HMX1: variants seen among roughly 807,000 people sequenced by gnomAD.
The protein encoded by HMX1 is homeobox protein HMX1.
A neutral mutation model predicts 8.9 loss-of-function variants in HMX1; 8 were observed. That is an observed-to-expected ratio of 0.90 (90% CI 0.53 to 1.63). The LOEUF (loss-of-function observed/expected upper bound fraction) is 1.63. Ranked by LOEUF, HMX1 falls within the 40% of genes most tolerant of loss-of-function variation. The pLI, the probability that HMX1 is intolerant of heterozygous loss-of-function variation, is 0.00. For missense variants in HMX1, 621 were observed against 558.5 expected (o/e 1.11, Z -1.13); for synonymous variants, 311 against 283.4 (o/e 1.10, Z -0.98).
chr4:8,856,523 T>G (rs534122927), intron 1 of HMX1, among the ~76,000 whole-genome samples: 21 of 152,292 alleles, frequency 1.4e-4, no homozygotes, highest in African/African-American at 5.1e-4. Context: ...TAGGTCTCTC[T>G]GAATTTAAAC....
chr4:8,863,153 G>C (rs1045820252), downstream of HMX1, among the ~76,000 whole-genome samples: 1 of 152,214 alleles, frequency 6.6e-6, no homozygotes, highest in Non-Finnish European at 1.5e-5. Flanking sequence ...TGCACAGGCG[G>C]GGAGGAACAG....
chr4:8,867,922 G>C lies in HMX1; in HGVS notation c.818C>G (p.Pro273Arg). ...GCGGACCAGGCGCTGCGCTCCCGGCGGGGACAGGCTGGCCGCCTCCAGCTC... is the reference window on the plus strand; with the variant it reads ...GCGGACCAGGCGCTGCGCTCCCGGCCGGGACAGGCTGGCCGCCTCCAGCTC... Reference protein sequence around the residue: ...AAELEAASLSPPGAQRLVRVP... With the variant: ...AAELEAASLSRPGAQRLVRVP... Residue 273 changes from proline to arginine, a missense_variant, in exon 2 of 2, where the codon CCG (proline) becomes CGG (arginine). Pro to Arg is a moderately radical substitution (Grantham distance 103). Coordinates refer to ENST00000400677, the MANE Select transcript of HMX1 (RefSeq NM_018942.3). The C allele has an allele frequency of 1.4e-6, 2 of 1,440,746 alleles. No individual in the cohort carries two copies. The highest frequency in any genetic ancestry group is 1.8e-6 in the Non-Finnish European group (2 of 1,094,654). The allele number at this position is 1,440,746 out of a possible 1,614,324, so 89.2% of individuals were successfully genotyped here. A position where few individuals can be genotyped will look rare whatever the true frequency, so the allele number is the denominator to read the frequency against.
At chr4:8,861,357 GCTTCC>G (rs1322952342) in intron 1 of HMX1, among the ~76,000 whole-genome samples, 11 of 152,198 alleles carry the variant, frequency 7.2e-5, no homozygotes. Flanking sequence ...CGGAGGCCGC[GCTTCC>G]CGCGGCCTGT....
At chr4:8,857,769 G>A (rs938794611) in intron 1 of HMX1, among the ~76,000 whole-genome samples, 4 of 152,294 alleles carry the variant, frequency 2.6e-5, no homozygotes, top group Non-Finnish European at 4.4e-5. Context: ...GGGGACTCGA[G>A]GTCCTTGAGG....
At chr4:8,858,270 G>A (rs1196330401) in intron 1 of HMX1, among the ~76,000 whole-genome samples, 1 of 152,150 alleles carries the variant, frequency 6.6e-6, no homozygotes, top group South Asian at 2.1e-4. Flanking sequence ...AAGGCGCAGC[G>A]GCGACCGCGG....
At position 8,867,238 on chromosome 4, in the gene HMX1, C is replaced by G. The variant is rs1377583667; in HGVS notation, c.*455G>C. ...GGGGTAGCACAGCCCTCCGGGCCGG[C>G]CTGCTGTCTGGGTCCCAGGAAAGGG... On this transcript the variant is annotated 3_prime_UTR_variant, in exon 2 of 2. Transcript: ENST00000400677. The G allele has an allele frequency of 1.0e-6, 1 of 985,896 alleles. No individual in the cohort carries two copies. Among genetic ancestry groups the G allele is most frequent in the Non-Finnish European group, 1.2e-6 (1 of 830,356 alleles). The allele number at this position is 985,896 out of a possible 1,614,324, so 61.1% of individuals were successfully genotyped here. A position where few individuals can be genotyped will look rare whatever the true frequency, so the allele number is the denominator to read the frequency against.
Position 8,867,939 on chromosome 4 carries a change from C to CTCCAGCTCGGCTGCCAGCTGCCGCT in HMX1, c.776_800dup (p.Ser270AlafsTer118). 2 of 1,480,266 alleles carry CTCCAGCTCGGCTGCCAGCTGCCGCT rather than the reference C, an allele frequency of 1.4e-6. No homozygotes were observed. The highest frequency in any genetic ancestry group is 9.0e-7 in the Non-Finnish European group (1 of 1,116,782). 91.7% of individuals were successfully genotyped at this position (1,480,266 alleles called of 1,614,324 possible). On this transcript the variant is annotated frameshift_variant, in exon 2 of 2. Transcript: ENST00000400677. LOFTEE classifies it low-confidence loss of function (END_TRUNC). ...CTCCCGGCGGGGACAGGCTGGCCGCCTCCAGCTCGGCTGCCAGCTGCCGCT... is the reference window on the plus strand; with the variant it reads ...CTCCCGGCGGGGACAGGCTGGCCGCCTCCAGCTCGGCTGCCAGCTGCCGCTTCCAGCTCGGCTGCCAGCTGCCGCT...
At chr4:8,863,646 C>T (rs1052138997), downstream of HMX1, among the ~76,000 whole-genome samples, 2 of 152,236 alleles carry the variant, frequency 1.3e-5, no homozygotes, top group African/African-American at 4.8e-5. Context: ...GGAATCCACA[C>T]CTCCAAGGGC....
intron 1 of HMX1, among the ~76,000 whole-genome samples, chr4:8,857,261 C>T (rs1158153357): frequency 6.6e-6 from 1 of 152,200 alleles, no homozygotes; most frequent in Non-Finnish European, 1.5e-5. Context: ...TCCCCACTTC[C>T]TCCCCTGCAG....
downstream of HMX1, among the ~76,000 whole-genome samples, chr4:8,866,768 G>C (rs929183862): frequency 6.6e-6 from 1 of 152,226 alleles, no homozygotes; most frequent in Non-Finnish European, 1.5e-5. Flanking sequence ...GCCTTCACCT[G>C]CTCCTGCCTT....
At chr4:8,857,871 G>T (rs1164967673) in intron 1 of HMX1, among the ~76,000 whole-genome samples, 17 of 152,130 alleles carry the variant, frequency 1.1e-4, no homozygotes, top group Non-Finnish European at 2.2e-4. Context: ...CACACGCGCC[G>T]TGCCGAGCCC....
downstream of HMX1, among the ~76,000 whole-genome samples, chr4:8,864,937 C>T (rs759405256): frequency 1.3e-5 from 2 of 152,232 alleles, no homozygotes; most frequent in Non-Finnish European, 2.9e-5. Flanking sequence ...TCCAAATCTA[C>T]CCTGCATTTG....
At position 8,870,382 on chromosome 4, in the gene HMX1, G is replaced by A. The variant is rs1217612586; in HGVS notation, c.394+839C>T. On this transcript the variant is annotated intron_variant, in intron 1 of 1. Coordinates refer to ENST00000400677, the MANE Select transcript of HMX1 (RefSeq NM_018942.3). The surrounding 1 kb of genome is among the most constrained non-coding windows in gnomAD (Gnocchi z 4.4). Reference sequence around the variant, plus strand: ...TAAGGGGTCAGATACCCAAGCAAGGGGGCAAAGGGGTTCTGGGGTTGAGAA... The same window carrying A: ...TAAGGGGTCAGATACCCAAGCAAGGAGGCAAAGGGGTTCTGGGGTTGAGAA... Among the ~76,000 whole-genome samples the A allele has an allele frequency of 6.6e-6, 1 of 152,092 alleles. No individual in the cohort carries two copies. The highest frequency in any genetic ancestry group is 6.5e-5 in the Admixed American group (1 of 15,280).
chr4:8,849,068 G>T lies in HMX1; in HGVS notation c.395-2744C>A, dbSNP rs1203455448. On this transcript the variant is annotated intron_variant, in intron 1 of 1. Coordinates refer to the HMX1 transcript ENST00000506970. The surrounding 1 kb of genome is among the most constrained non-coding windows in gnomAD (Gnocchi z 6.6). Reference sequence around the variant, plus strand: ...GGTGGGCCTCCTCCCCCTGCCCGCTGCTCCATCGTGGACGTCTTCTCTCAG... The same window carrying T: ...GGTGGGCCTCCTCCCCCTGCCCGCTTCTCCATCGTGGACGTCTTCTCTCAG... 6.6e-6 allele frequency among the ~76,000 whole-genome samples: 1 copy of T among 152,086 alleles called. No homozygotes were observed. The highest frequency in any genetic ancestry group is 2.4e-5 in the African/African-American group (1 of 41,442).
chr4:8,868,172 C>G lies in HMX1; in HGVS notation c.568G>C (p.Gly190Arg). 6.7e-7 allele frequency: 1 copy of G among 1,498,684 alleles called. No individual in the cohort carries two copies. The highest frequency in any genetic ancestry group is 8.9e-7 in the Non-Finnish European group (1 of 1,129,774). The allele number at this position is 1,498,684 out of a possible 1,614,324, so 92.8% of individuals were successfully genotyped here. ...ACGCCAACGCCGCCGCGTGTCTCCCCAGCCGCCGCAGGGACCTCGGCCAGC... is the reference window on the plus strand; with the variant it reads ...ACGCCAACGCCGCCGCGTGTCTCCCGAGCCGCCGCAGGGACCTCGGCCAGC... Reference protein sequence around the residue: ...SELAEVPAAAGETRGGVGVGG... With the variant: ...SELAEVPAAARETRGGVGVGG... The change falls in exon 2 of 2, where the codon GGG becomes CGG. Residue 190 changes from glycine (G) to arginine (R), a missense_variant. Gly to Arg is a moderately radical substitution (Grantham distance 125). Transcript: ENST00000400677. The surrounding 1 kb of genome is among the most constrained non-coding windows in gnomAD (Gnocchi z 4.6).
At chr4:8,865,431 T>G (rs1052284409), downstream of HMX1, among the ~76,000 whole-genome samples, 1 of 152,074 alleles carries the variant, frequency 6.6e-6, no homozygotes, top group Non-Finnish European at 1.5e-5. Flanking sequence ...ACACAGTGCC[T>G]GGACCTCAAA....
At chr4:8,846,256 T>C (rs1488015359) in exon 2 of HMX1, 14 of 1,535,138 alleles carry the variant, frequency 9.1e-6, no homozygotes, top group Non-Finnish European at 1.2e-5. Context: ...CTGTTCACTT[T>C]GTATTTATCA....
chr4:8,862,287 GTAGA>G (rs1390564913), downstream of HMX1, among the ~76,000 whole-genome samples: 7 of 152,260 alleles, frequency 4.6e-5, no homozygotes, highest in African/African-American at 1.7e-4. Context: ...CCGATTGGGC[GTAGA>G]TAAACCTGCA....
At chr4:8,851,601 G>A (rs1322283623) in intron 1 of HMX1, among the ~76,000 whole-genome samples, 1 of 152,212 alleles carries the variant, frequency 6.6e-6, no homozygotes, top group Non-Finnish European at 1.5e-5. Flanking sequence ...GATCACCAGA[G>A]GCTCTGCGGG....
Sources: gnomAD v4.1 joint callset for allele counts (sites outside exome capture counted in the v4.1 genomes callset) on GRCh38, gnomAD v4.1.1 for gene constraint, Gnocchi (gnomAD v3.1) non-coding constraint, MANE v1.5 for transcripts, NCBI Gene and HGNC (gene_info 2026-07-23, HGNC 2026-07-21) for gene names.